The following GNG12 variants were observed in gnomAD, a reference collection of about 807,000 sequenced individuals.
The protein encoded by GNG12 is guanine nucleotide-binding protein G(I)/G(S)/G(O) subunit gamma-12.
For missense variants in GNG12, 69 were observed against 83.8 expected, an observed-to-expected ratio of 0.82 and a Z score of 0.69; for synonymous variants, 28 against 29.7, an observed-to-expected ratio of 0.94 and a Z score of 0.19.
intron 2 of GNG12, among the ~76,000 whole-genome samples, chr1:67,733,444 A>G (rs950383467): frequency 6.6e-6 from 1 of 152,210 alleles, no homozygotes; most frequent in Non-Finnish European, 1.5e-5. Context: ...ACGTGCACGT[A>G]TATGATGTGC....
chr1:67,789,000 A>G (rs1309882219), intron 1 of GNG12, among the ~76,000 whole-genome samples: 2 of 152,232 alleles, frequency 1.3e-5, no homozygotes, highest in Non-Finnish European at 2.9e-5. Flanking sequence ...TGCTTTTGCT[A>G]CAGTGCTGTT....
At chr1:67,786,321 T>C (rs141719743) in intron 1 of GNG12, among the ~76,000 whole-genome samples, 2 of 152,340 alleles carry the variant, frequency 1.3e-5, no homozygotes, top group Non-Finnish European at 2.9e-5. Flanking sequence ...GTTAGCTGTT[T>C]CGTGTCTATT....
At chr1:67,816,095 G>A (rs533207979) in intron 1 of GNG12, among the ~76,000 whole-genome samples, 1 of 152,320 alleles carries the variant, frequency 6.6e-6, no homozygotes, top group African/African-American at 2.4e-5. Context: ...CCTTCAGTGA[G>A]GCTGCGGAAG....
At chr1:67,785,388 C>T (rs1168863326) in intron 1 of GNG12, among the ~76,000 whole-genome samples, 1 of 152,034 alleles carries the variant, frequency 6.6e-6, no homozygotes, top group Non-Finnish European at 1.5e-5. Context: ...CTTCTTCTCC[C>T]AAGTATTCCC....
chr1:67,767,461 C>T (rs1646647962), intron 2 of GNG12, among the ~76,000 whole-genome samples: 1 of 152,186 alleles, frequency 6.6e-6, no homozygotes, highest in Admixed American at 6.5e-5. Context: ...CCTACCTGAC[C>T]AAGTCTCAGT....
intron 1 of GNG12, among the ~76,000 whole-genome samples, chr1:67,823,409 G>C (rs1339217845): frequency 6.6e-6 from 1 of 152,118 alleles, no homozygotes; most frequent in East Asian, 1.9e-4. Context: ...CACTTCTCTT[G>C]ATTTTGCACT....
intron 2 of GNG12, among the ~76,000 whole-genome samples, chr1:67,713,918 A>G (rs1646310381): frequency 1.3e-5 from 2 of 152,254 alleles, no homozygotes; most frequent in Non-Finnish European, 2.9e-5. Context: ...AAACAACAGA[A>G]GAATTTCAAG....
Position 67,707,718 on chromosome 1 carries a change from G to C in GNG12, c.-26-6C>G. On this transcript the variant is annotated splice_polypyrimidine_tract_variant and splice_region_variant and intron_variant, in intron 2 of 3. Coordinates refer to ENST00000370982, the MANE Select transcript of GNG12 (RefSeq NM_018841.6). ...TTATTGTTTTTACCTGAAATCTGAG[G>C]AGAATTTTTTTTAAAGACAAGTAAC... is the stretch of plus-strand genomic sequence containing the variant. The C allele has an allele frequency of 6.7e-7, 1 of 1,490,002 alleles. No homozygotes were observed. Among genetic ancestry groups the C allele is most frequent in the South Asian group, 1.2e-5 (1 of 81,122 alleles). 92.3% of individuals were successfully genotyped at this position (1,490,002 alleles called of 1,614,324 possible). A position where few individuals can be genotyped will look rare whatever the true frequency, so the allele number is the denominator to read the frequency against.
rs377123978 is a variant in GNG12 at position 67,758,212 on chromosome 1, A to T, written c.-27+19246T>A. Among the ~76,000 whole-genome samples, 255 of 152,262 alleles carry T rather than the reference A, an allele frequency of 1.7e-3. 1 individual carries two copies. Among genetic ancestry groups the T allele is most frequent in the African/African-American group, 5.8e-3 (240 of 41,570 alleles). ...TGGTCTCAAACTCCTGACCTCAGTC[A>T]ATTTGCCTGCCTAGGCTTCCCAAAG... On this transcript the variant is annotated intron_variant, in intron 2 of 3. Transcript: ENST00000370982.
chr1:67,725,752 C>T (rs891449910), intron 2 of GNG12, among the ~76,000 whole-genome samples: 1 of 152,202 alleles, frequency 6.6e-6, no homozygotes, highest in African/African-American at 2.4e-5. Flanking sequence ...GGCACCCATA[C>T]AGTACGTTTA....
chr1:67,823,747 G>T (rs146543869), intron 1 of GNG12, among the ~76,000 whole-genome samples: 2 of 152,300 alleles, frequency 1.3e-5, no homozygotes, highest in East Asian at 3.9e-4. Context: ...CAATCTTTCC[G>T]GAGGGGTACT....
intron 2 of GNG12, among the ~76,000 whole-genome samples, chr1:67,758,035 G>A (rs1557607127): frequency 1.3e-5 from 2 of 152,240 alleles, no homozygotes; most frequent in South Asian, 2.1e-4. Flanking sequence ...GCAGTGGCAC[G>A]GTCTCGGCTC....
chr1:67,759,641 T>C (rs912592846), intron 2 of GNG12, among the ~76,000 whole-genome samples: 1 of 152,194 alleles, frequency 6.6e-6, no homozygotes, highest in Admixed American at 6.5e-5. Flanking sequence ...TAATACCTTA[T>C]ACATAGTAAG....
intron 2 of GNG12, among the ~76,000 whole-genome samples, chr1:67,709,280 C>T (rs1646267248): frequency 1.3e-5 from 2 of 152,178 alleles, no homozygotes; most frequent in African/African-American, 4.8e-5. Context: ...GGGTCACATA[C>T]TGCACAGTGA....
At chr1:67,707,245 T>TA (rs1247076094) in intron 3 of GNG12, among the ~76,000 whole-genome samples, 1 of 152,148 alleles carries the variant, frequency 6.6e-6, no homozygotes, top group Non-Finnish European at 1.5e-5. Flanking sequence ...CTAGAACACT[T>TA]AAATTCCAAA....
chr1:67,730,510 C>T (rs766252467), intron 2 of GNG12, among the ~76,000 whole-genome samples: 9 of 151,866 alleles, frequency 5.9e-5, no homozygotes, highest in African/African-American at 1.7e-4. Context: ...ACCCCCCAAC[C>T]GCCCCCGCAC....
intron 1 of GNG12, among the ~76,000 whole-genome samples, chr1:67,807,033 T>C (rs1454686824): frequency 1.3e-5 from 2 of 152,014 alleles, no homozygotes; most frequent in Non-Finnish European, 2.9e-5. Flanking sequence ...GACCACACAC[T>C]GGGCCATAAA....
intron 1 of GNG12, among the ~76,000 whole-genome samples, chr1:67,789,086 C>T (rs1646786164): frequency 1.3e-5 from 2 of 152,206 alleles, no homozygotes; most frequent in African/African-American, 2.4e-5. Context: ...TCTTCAAGAG[C>T]AGTCCTTTCC....
At chr1:67,728,524 G>T (rs1646400261) in intron 2 of GNG12, among the ~76,000 whole-genome samples, 1 of 152,092 alleles carries the variant, frequency 6.6e-6, no homozygotes, top group African/African-American at 2.4e-5. Flanking sequence ...TTAAGCTTTT[G>T]ATACTTATAT....
Sources: allele counts gnomAD v4.1 joint callset (sites outside exome capture counted in the v4.1 genomes callset), GRCh38; gene constraint gnomAD v4.1.1; transcripts MANE v1.5; gene names NCBI Gene and HGNC (gene_info 2026-07-23, HGNC 2026-07-21).